Variants in TNNI1 observed in about 807,000 individuals in gnomAD.
TNNI1 encodes the protein troponin I1, slow skeletal type.
A neutral mutation model predicts 26.7 loss-of-function variants in TNNI1; 14 were observed. The observed-to-expected ratio is 0.52, with a 90% CI of 0.35 to 0.82. The LOEUF is 0.82. Among genes scored for constraint, TNNI1 ranks in the 40% least tolerant of loss-of-function variants. TNNI1 has a pLI of 0.01. For synonymous variants in TNNI1, 79 were observed against 98.2 expected (o/e 0.80, Z 1.16); for missense variants, 164 against 257.0 (o/e 0.64, Z 2.47).
At chr1:201,417,182 G>A in intron 2 of TNNI1, 63 bp from the exon 3 acceptor site, 1 of 1,610,452 alleles carries the variant, frequency 6.2e-7, no homozygotes, top group Non-Finnish European at 8.5e-7. Flanking sequence ...TATGAACAAT[G>A]AGGATTACAT....
chr1:201,418,091 T>G (rs1571739007), intron 1 of TNNI1, among the ~76,000 whole-genome samples: 1 of 150,608 alleles, frequency 6.6e-6, no homozygotes, highest in Admixed American at 6.6e-5. Context: ...AAACCTTATG[T>G]GAGCTACAAA....
chr1:201,417,907 G>T, intron 1 of TNNI1, 95 bp from the exon 2 acceptor site: 1 of 917,844 alleles, frequency 1.1e-6, no homozygotes, highest in Non-Finnish European at 1.5e-6. Context: ...GACAGAGTCA[G>T]AACACAAAAG....
At chr1:201,415,733 T>C (rs780266228) in intron 3 of TNNI1, among the ~76,000 whole-genome samples, 5 of 152,214 alleles carry the variant, frequency 3.3e-5, no homozygotes, top group Non-Finnish European at 7.3e-5. Flanking sequence ...AAGCTGTGAA[T>C]TTCCCAAATA....
At position 201,406,475 on chromosome 1, in the gene TNNI1, G is replaced by C. The variant is rs1662516993; in HGVS notation, c.*2778C>G. 1 of 152,220 alleles carries C rather than the reference G, an allele frequency of 6.6e-6. No individual in the cohort carries two copies. The highest frequency in any genetic ancestry group is 2.1e-4 in the South Asian group (1 of 4,822). The allele number at this position is 152,220 out of a possible 1,614,324, so 9.4% of individuals were successfully genotyped here. ...TCTCTGTGCCTCAGTTTTCCCCACT[G>C]TACCATGAGAATAGTAGCTGTACCT... On this transcript the variant is annotated 3_prime_UTR_variant, in exon 9 of 9. Coordinates refer to ENST00000361379, the MANE Select transcript of TNNI1 (RefSeq NM_003281.4).
chr1:201,410,968 C>G (rs1662622872), intron 7 of TNNI1, among the ~76,000 whole-genome samples: 2 of 152,210 alleles, frequency 1.3e-5, no homozygotes, highest in Admixed American at 1.3e-4. Flanking sequence ...GAACTCAGTT[C>G]TCTAATGTCT....
At chr1:201,410,171 T>TGAACCTGGAGCCTGGCTCCAG (rs1355726188) in intron 8 of TNNI1, 155 bp downstream of exon 8, 2 of 624,340 alleles carry the variant, frequency 3.2e-6, no homozygotes, top group African/African-American at 3.7e-5. Flanking sequence ...GAGCCAGGAC[T>TGAACCTGGAGCCTGGCTCCAG]GAGCCCAGGA....
At chr1:201,420,747 C>T (rs1229812942) in intron 1 of TNNI1, among the ~76,000 whole-genome samples, 3 of 152,004 alleles carry the variant, frequency 2.0e-5, no homozygotes, top group African/African-American at 7.2e-5. Flanking sequence ...CCTTGACTGA[C>T]GGTTAACACT....
chr1:201,418,089 T>C (rs1180210898), intron 1 of TNNI1, among the ~76,000 whole-genome samples: 1 of 150,924 alleles, frequency 6.6e-6, no homozygotes, highest in Non-Finnish European at 1.5e-5. Flanking sequence ...AGAAACCTTA[T>C]GTGAGCTACA....
intron 6 of TNNI1, 33 bp downstream of exon 6, chr1:201,412,999 T>TA (rs759736104): frequency 1.2e-6 from 2 of 1,608,452 alleles, no homozygotes; most frequent in Non-Finnish European, 1.7e-6. Flanking sequence ...CCCAACCCAT[T>TA]ATGGCCATGC....
chr1:201,419,445 G>A (rs1022041806), intron 1 of TNNI1, among the ~76,000 whole-genome samples: 8 of 152,198 alleles, frequency 5.3e-5, no homozygotes, highest in African/African-American at 1.9e-4. Flanking sequence ...GCGCACAGGA[G>A]CCCTGAGCCA....
intron 2 of TNNI1, 166 bp downstream of exon 2, chr1:201,417,617 C>G (rs1378798822): frequency 1.9e-6 from 1 of 522,574 alleles, no homozygotes. Flanking sequence ...GCTGGGAGGA[C>G]ACAGGCAGCA....
rs139024975 is a variant in TNNI1, at chr1:201,416,777, T to TC, written c.15+338dup. Among the ~76,000 whole-genome samples, 631 of 152,104 alleles carry TC rather than the reference T, an allele frequency of 4.1e-3. 4 individuals are homozygous for TC. The highest frequency in any genetic ancestry group is 0.013 in the African/African-American group (553 of 41,476). On this transcript the variant is annotated intron_variant, in intron 3 of 8. Coordinates refer to ENST00000361379, the MANE Select transcript of TNNI1 (RefSeq NM_003281.4). ...ATCAGCTCTGCATGGAATAGGATGGTCCCCCCAGGACTGGACCAGCTCTCA... is the reference window on the plus strand; with the variant it reads ...ATCAGCTCTGCATGGAATAGGATGGTCCCCCCCAGGACTGGACCAGCTCTCA...
At position 201,405,906 on chromosome 1, in the gene TNNI1, A is replaced by G. The variant is rs1662505279; in HGVS notation, c.*3347T>C. 1 of 152,302 alleles carries G rather than the reference A, an allele frequency of 6.6e-6. No homozygotes were observed. The allele number at this position is 152,302 out of a possible 1,614,324, so 9.4% of individuals were successfully genotyped here. The stretch of plus-strand genomic sequence containing the variant: ...GTGCCCACCCAGCTATTGTGTGCTG[A>G]TTAGTAATAGATATCCCCCAAGTAG... On this transcript the variant is annotated 3_prime_UTR_variant, in exon 9 of 9. Transcript: ENST00000361379.
intron 3 of TNNI1, 134 bp downstream of exon 3, chr1:201,416,982 A>G: frequency 9.5e-7 from 1 of 1,055,670 alleles, no homozygotes; most frequent in Non-Finnish European, 1.5e-6. Context: ...TCAGCCACTA[A>G]ATACCCTACA....
At chr1:201,414,229 C>G (rs1416673167) in intron 5 of TNNI1, among the ~76,000 whole-genome samples, 1 of 152,188 alleles carries the variant, frequency 6.6e-6, no homozygotes. Context: ...CAACCCCGGC[C>G]GCCTCCCCAC....
At chr1:201,413,888 G>A (rs1662685382) in intron 5 of TNNI1, among the ~76,000 whole-genome samples, 1 of 152,162 alleles carries the variant, frequency 6.6e-6, no homozygotes, top group African/African-American at 2.4e-5. Flanking sequence ...GAACTCCTGG[G>A]TTCAAGTAAT....
At chr1:201,413,611 G>A (rs1269128591) in intron 5 of TNNI1, among the ~76,000 whole-genome samples, 1 of 151,970 alleles carries the variant, frequency 6.6e-6, no homozygotes, top group African/African-American at 2.4e-5. Context: ...CAGGCATGGT[G>A]GTGTGCACCT....
intron 5 of TNNI1, among the ~76,000 whole-genome samples, chr1:201,413,332 A>G (rs546704557): frequency 3.1e-4 from 47 of 152,344 alleles, no homozygotes; most frequent in African/African-American, 1.1e-3. Flanking sequence ...CTTAAAAAAT[A>G]GTATTCCTTC....
At chr1:201,414,424 C>T in intron 5 of TNNI1, 94 bp downstream of exon 5, 1 of 1,104,908 alleles carries the variant, frequency 9.1e-7, no homozygotes, top group Non-Finnish European at 1.2e-6. Flanking sequence ...GAGCCTTGAG[C>T]TGGTGTTAGT....
Sources: gnomAD v4.1 joint callset for allele counts (sites outside exome capture counted in the v4.1 genomes callset) on GRCh38, gnomAD v4.1.1 for gene constraint, MANE v1.5 for transcripts, NCBI Gene and HGNC (gene_info 2026-07-23, HGNC 2026-07-21) for gene names.